The following SYT14 variants were observed in gnomAD, a reference collection of about 807,000 sequenced individuals.
SYT14 encodes synaptotagmin 14.
SYT14 carries 32 observed loss-of-function variants against 74.2 expected under a neutral mutation model. The observed-to-expected ratio is 0.43, with a 90% CI of 0.33 to 0.58. The LOEUF (loss-of-function observed/expected upper bound fraction) is 0.58, where lower values mean the gene tolerates loss of function less well. Among genes scored for constraint, SYT14 ranks in the 20% least tolerant of loss-of-function variants. The probability of loss-of-function intolerance (pLI) is 0.05; values close to 1 mark genes in which losing one functional copy is unlikely to be tolerated. For synonymous variants in SYT14, 298 were observed against 337.7 expected, an observed-to-expected ratio of 0.88 and a Z score of 1.29; for missense variants, 791 against 981.8, an observed-to-expected ratio of 0.81 and a Z score of 2.60.
At chr1:210,036,791 G>A (rs1312740095) in intron 5 of SYT14, among the ~76,000 whole-genome samples, 1 of 151,892 alleles carries the variant, frequency 6.6e-6, no homozygotes, top group Admixed American at 6.6e-5. Context: ...CCACTTGATC[G>A]TGGTGTATTA....
At chr1:210,015,948 T>C in exon 4 of SYT14, 1 of 1,231,278 alleles carries the variant, frequency 8.1e-7, no homozygotes, top group Non-Finnish European at 1.0e-6. Flanking sequence ...AAGTGGTTGA[T>C]ATTTTCAGAA....
intron 2 of SYT14, among the ~76,000 whole-genome samples, chr1:210,006,303 A>G (rs2079986998): frequency 6.6e-6 from 1 of 151,924 alleles, no homozygotes; most frequent in African/African-American, 2.4e-5. Flanking sequence ...TTTGAGGGAA[A>G]TTTTATTTGT....
intron 5 of SYT14, among the ~76,000 whole-genome samples, chr1:210,041,641 T>G (rs115044403): frequency 0.027 from 4,130 of 152,262 alleles, 197 homozygotes; most frequent in African/African-American, 0.093. Flanking sequence ...GGGAATATGT[T>G]TGTATTTGCT....
chr1:209,983,826 G>T (rs1049567088), intron 2 of SYT14, among the ~76,000 whole-genome samples: 2 of 152,128 alleles, frequency 1.3e-5, no homozygotes, highest in African/African-American at 4.8e-5. Flanking sequence ...CTCTATTGTG[G>T]TAAGTAGAAA....
chr1:210,158,879 G>A (rs979207386), intron 8 of SYT14, among the ~76,000 whole-genome samples: 6 of 151,962 alleles, frequency 3.9e-5, no homozygotes, highest in African/African-American at 1.5e-4. Context: ...ATATACCTAG[G>A]TTCTAAGCTT....
exon 10 of SYT14, chr1:210,163,624 G>T: frequency 2.2e-6 from 1 of 453,458 alleles, no homozygotes; most frequent in South Asian, 1.6e-5. Context: ...TTTGGTTTGG[G>T]TTGCTTTCTG....
Position 210,151,035 on chromosome 1 carries a change from C to T in SYT14, c.2035-4686C>T, listed in dbSNP as rs1373321791. ...TTCATTCCTCTAAAAATTACATATA[C>T]TTTACTTTCACAGAATTACTTGTAA... On this transcript the variant is annotated intron_variant, in intron 7 of 9. Coordinates refer to ENST00000637265, the Ensembl canonical transcript of SYT14. Among the ~76,000 whole-genome samples, 7 of 152,136 alleles carry T rather than the reference C, an allele frequency of 4.6e-5. No individual in the cohort carries two copies. In the East Asian group the frequency reaches 1.2e-3, roughly 25 times the overall value.
chr1:209,946,278 C>T lies in SYT14; in HGVS notation c.-533-6431C>T, dbSNP rs151177496. On this transcript the variant is annotated intron_variant, in intron 1 of 9. Transcript: ENST00000637265. Reference sequence around the variant, plus strand: ...AATCAAAAGCTAGAAATGATTAATCCTAGTGAGGAAGGCATGTTAAAAGCT... The same window carrying T: ...AATCAAAAGCTAGAAATGATTAATCTTAGTGAGGAAGGCATGTTAAAAGCT... Among the ~76,000 whole-genome samples, 374 of 152,284 alleles carry T rather than the reference C, an allele frequency of 2.5e-3. 1 individual carries two copies. The highest frequency in any genetic ancestry group is 5.5e-3 in the African/African-American group (228 of 41,542).
intron 5 of SYT14, among the ~76,000 whole-genome samples, chr1:210,078,309 CAAAAAAAAAAAAAAA>C (rs59924487): frequency 8.3e-5 from 6 of 72,060 alleles, no homozygotes; most frequent in Admixed American, 3.6e-4. Flanking sequence ...GACTCCGTCT[CAAAAAAAAAAAAAAA>C]AAAAAAAAAA....
intron 5 of SYT14, among the ~76,000 whole-genome samples, chr1:210,086,461 T>TG (rs971861649): frequency 2.0e-5 from 3 of 152,206 alleles, no homozygotes; most frequent in African/African-American, 7.2e-5. Context: ...TAGTGGTCAG[T>TG]GGGAGCACTG....
intron 1 of SYT14, among the ~76,000 whole-genome samples, chr1:209,947,107 G>A (rs1021875518): frequency 2.0e-5 from 3 of 152,192 alleles, no homozygotes; most frequent in Non-Finnish European, 4.4e-5. Context: ...ACTGCTCATT[G>A]ACAAGGCATC....
chr1:209,950,477 C>A (rs1312300010), intron 1 of SYT14, among the ~76,000 whole-genome samples: 1 of 152,078 alleles, frequency 6.6e-6, no homozygotes, highest in African/African-American at 2.4e-5. Context: ...GGGTAATACT[C>A]CAGTTAGCAC....
At chr1:209,979,090 G>T (rs149042271) in intron 2 of SYT14, among the ~76,000 whole-genome samples, 1 of 152,108 alleles carries the variant, frequency 6.6e-6, no homozygotes, top group Non-Finnish European at 1.5e-5. Flanking sequence ...CCAATTTTCC[G>T]GGTGCCGTCT....
intron 5 of SYT14, among the ~76,000 whole-genome samples, chr1:210,041,048 C>T (rs1047890379): frequency 6.6e-6 from 1 of 152,092 alleles, no homozygotes; most frequent in South Asian, 2.1e-4. Flanking sequence ...GCTGCAGTTA[C>T]CATAAGGAGC....
chr1:210,056,648 T>C (rs2081102056), intron 5 of SYT14, among the ~76,000 whole-genome samples: 1 of 48,216 alleles, frequency 2.1e-5, no homozygotes, highest in South Asian at 5.4e-4. Context: ...ACCCCGTCTC[T>C]ACTAAAAATA....
At chr1:209,941,078 T>C (rs2078722559) in intron 1 of SYT14, among the ~76,000 whole-genome samples, 1 of 152,244 alleles carries the variant, frequency 6.6e-6, no homozygotes, top group African/African-American at 2.4e-5. Flanking sequence ...AAGCATACTC[T>C]TATTAGCTAT....
chr1:210,089,931 A>G (rs2081829665), intron 5 of SYT14, among the ~76,000 whole-genome samples: 1 of 152,252 alleles, frequency 6.6e-6, no homozygotes, highest in South Asian at 2.1e-4. Context: ...TGGGATTTAA[A>G]TAACCTCTAG....
chr1:210,111,424 C>T lies in SYT14; in HGVS notation c.2034+10963C>T, dbSNP rs937593305. ...TTACTTCAGGCCATCTGGATGTATA[C>T]ATGCAGGCTTGGGCCCAGAGGCCTG... On this transcript the variant is annotated intron_variant, in intron 7 of 9. Coordinates refer to ENST00000637265, the Ensembl canonical transcript of SYT14. Among the ~76,000 whole-genome samples, 84 of 150,332 alleles carry T rather than the reference C, an allele frequency of 5.6e-4. 4 individuals carry two copies. Among genetic ancestry groups the T allele is most frequent in the African/African-American group, 2.0e-3 (79 of 39,694 alleles).
chr1:210,048,769 A>G (rs1381833432), intron 5 of SYT14, among the ~76,000 whole-genome samples: 1 of 152,222 alleles, frequency 6.6e-6, no homozygotes, highest in East Asian at 1.9e-4. Flanking sequence ...GGAAGTCCAC[A>G]GTCCAGCATC....
Sources: allele counts gnomAD v4.1 joint callset (sites outside exome capture counted in the v4.1 genomes callset), GRCh38; gene constraint gnomAD v4.1.1; transcripts MANE v1.5; gene names NCBI Gene and HGNC (gene_info 2026-07-23, HGNC 2026-07-21).